DPYSL3: variants seen among roughly 807,000 people sequenced by gnomAD.
DPYSL3 encodes the protein dihydropyrimidinase like 3.
DPYSL3 carries 16 observed loss-of-function variants against 66.1 expected under a neutral mutation model. That is an observed-to-expected ratio of 0.24 (90% CI 0.16 to 0.37). The LOEUF is 0.37. Ranked by LOEUF, DPYSL3 falls within the 10% of genes least tolerant of loss-of-function variation. DPYSL3 has a pLI of 1.00. For synonymous variants in DPYSL3, 338 were observed against 345.1 expected (o/e 0.98, Z 0.23); for missense variants, 738 against 916.2 (o/e 0.81, Z 2.51).
At position 147,400,829 on chromosome 5, in the gene DPYSL3, C is replaced by A. The variant is rs1397615121; in HGVS notation, c.1315G>T (p.Asp439Tyr). ...TGGGCACTCCCAGATAGCTGCAGAT[C>A]CCCGCTGGCAAAGGAGAAAAGCTCC... ...DYINSLLASG[D>Y]LQLSGSAHCT... Residue 439 changes from aspartate (D) to tyrosine (Y), a missense_variant, in exon 10 of 14, where the codon GAT becomes TAT. By Grantham distance (160) the Asp-to-Tyr change is radical. Transcript: ENST00000343218. The A allele has an allele frequency of 6.2e-7, 1 of 1,613,366 alleles. No homozygotes were observed. The highest frequency in any genetic ancestry group is 1.7e-5 in the Admixed American group (1 of 59,978).
chr5:147,500,845 A>G (rs1377664670), intron 1 of DPYSL3, among the ~76,000 whole-genome samples: 2 of 152,228 alleles, frequency 1.3e-5, no homozygotes, highest in Non-Finnish European at 2.9e-5. Context: ...TGGAGCAACA[A>G]GAATACTCAT....
At chr5:147,489,640 C>T (rs1032453794) in intron 1 of DPYSL3, among the ~76,000 whole-genome samples, 2 of 152,076 alleles carry the variant, frequency 1.3e-5, no homozygotes, top group Non-Finnish European at 2.9e-5. Flanking sequence ...ATGTAAAATT[C>T]CAAGAGATTA....
In DPYSL3 at chr5:147,469,403, T is replaced by C. The variant is rs145532110; in HGVS notation, c.381+40075A>G. On this transcript the variant is annotated intron_variant, in intron 1 of 13. Transcript: ENST00000343218. ...AATTCTAGCTCTGCTGTAGCAACTG[T>C]GGTGCCCCACACAAGTTCTTTTAAA... is the stretch of plus-strand genomic sequence containing the variant. Among the ~76,000 whole-genome samples, 563 of 152,342 alleles carry C rather than the reference T, an allele frequency of 3.7e-3. 4 individuals carry two copies. Among genetic ancestry groups the C allele is most frequent in the African/African-American group, 0.013 (530 of 41,582 alleles).
At chr5:147,494,904 TA>T (rs1753476973) in intron 1 of DPYSL3, among the ~76,000 whole-genome samples, 2 of 149,312 alleles carry the variant, frequency 1.3e-5, no homozygotes, top group Non-Finnish European at 3.0e-5. Flanking sequence ...ATAATAATAA[TA>T]ATAATAGAAT....
chr5:147,501,876 G>A (rs1313719143), intron 1 of DPYSL3, among the ~76,000 whole-genome samples: 1 of 152,118 alleles, frequency 6.6e-6, no homozygotes, highest in African/African-American at 2.4e-5. Flanking sequence ...GGAGACAGGG[G>A]TATATGGGAA....
At chr5:147,465,392 C>T (rs1216420732) in intron 1 of DPYSL3, among the ~76,000 whole-genome samples, 2 of 151,992 alleles carry the variant, frequency 1.3e-5, no homozygotes, top group Non-Finnish European at 2.9e-5. Flanking sequence ...TTCCACCTCC[C>T]GGATTCAAGC....
chr5:147,489,238 T>G (rs1350054773), intron 1 of DPYSL3, among the ~76,000 whole-genome samples: 2 of 152,092 alleles, frequency 1.3e-5, no homozygotes, highest in African/African-American at 4.8e-5. Context: ...AGCCCCATGT[T>G]CTCAGTCTTC....
chr5:147,436,737 G>T (rs111402958), intron 1 of DPYSL3, among the ~76,000 whole-genome samples: 4,609 of 152,336 alleles, frequency 0.03, 91 homozygotes, highest in Non-Finnish European at 0.048. Context: ...ATGGCATACT[G>T]CAGAAGAAAG....
At chr5:147,396,953 C>G (rs891117641) in intron 12 of DPYSL3, among the ~76,000 whole-genome samples, 1 of 112,074 alleles carries the variant, frequency 8.9e-6, no homozygotes, top group South Asian at 2.9e-4. Flanking sequence ...TTTATTTATA[C>G]GCATTTTTGT....
At chr5:147,488,156 T>G (rs534418200) in intron 1 of DPYSL3, among the ~76,000 whole-genome samples, 3 of 152,326 alleles carry the variant, frequency 2.0e-5, no homozygotes, top group African/African-American at 7.2e-5. Flanking sequence ...CCTAGCCCAC[T>G]TCCAACCCAA....
At chr5:147,448,348 G>A (rs1752667525) in intron 1 of DPYSL3, among the ~76,000 whole-genome samples, 1 of 152,154 alleles carries the variant, frequency 6.6e-6, no homozygotes, top group Non-Finnish European at 1.5e-5. Context: ...GCCTGTGTCG[G>A]ACTGTCAGAG....
Position 147,394,066 on chromosome 5 carries a change from C to G in DPYSL3, c.2024G>C (p.Gly675Ala). 1 of 1,614,166 alleles carries G rather than the reference C, an allele frequency of 6.2e-7. No homozygotes were observed. The highest frequency in any genetic ancestry group is 8.5e-7 in the Non-Finnish European group (1 of 1,180,036). The stretch of plus-strand genomic sequence containing the variant: ...CAGAGATGTGATATTAGAACGGCCG[C>G]CTGGGGGCGCCACGATGCGCTTGCT... Reference protein sequence around the residue: ...SASKRIVAPPGGRSNITSLS With the variant: ...SASKRIVAPPAGRSNITSLS The change falls in exon 14 of 14, where the codon GGC becomes GCC. Residue 675 changes from glycine (G) to alanine (A), a missense_variant. Gly to Ala is a moderately conservative substitution (Grantham distance 60). Coordinates refer to ENST00000343218, the MANE Select transcript of DPYSL3 (RefSeq NM_001197294.2).
intron 1 of DPYSL3, among the ~76,000 whole-genome samples, chr5:147,466,866 A>G (rs1753017478): frequency 6.6e-6 from 1 of 152,218 alleles, no homozygotes; most frequent in African/African-American, 2.4e-5. Flanking sequence ...GGGGGAAAGT[A>G]GGGATGGCAG....
chr5:147,478,574 C>T (rs927798251), intron 1 of DPYSL3, among the ~76,000 whole-genome samples: 2 of 152,186 alleles, frequency 1.3e-5, no homozygotes, highest in Admixed American at 6.5e-5. Context: ...TTTTGCTCAA[C>T]TTATGCCACT....
At chr5:147,449,017 G>C (rs1752678342) in intron 1 of DPYSL3, among the ~76,000 whole-genome samples, 1 of 152,190 alleles carries the variant, frequency 6.6e-6, no homozygotes, top group African/African-American at 2.4e-5. Flanking sequence ...CACAGAGAGA[G>C]CTGGTTTTCT....
Position 147,485,593 on chromosome 5 carries a change from T to C in DPYSL3, c.381+23885A>G, listed in dbSNP as rs1054484896. Among the ~76,000 whole-genome samples the C allele has an allele frequency of 3.9e-5, 6 of 152,344 alleles. 1 individual carries two copies. The highest frequency in any genetic ancestry group is 1.4e-4 in the African/African-American group (6 of 41,584). ...CTCCAGTCTCTCCCTTTGTTTCCTA[T>C]GTATTATGCAGCAGAGAAATTTAAT... On this transcript the variant is annotated intron_variant, in intron 1 of 13. Coordinates refer to ENST00000343218, the MANE Select transcript of DPYSL3 (RefSeq NM_001197294.2).
intron 6 of DPYSL3, among the ~76,000 whole-genome samples, chr5:147,410,449 T>G (rs1243767422): frequency 6.6e-6 from 1 of 152,136 alleles, no homozygotes; most frequent in Non-Finnish European, 1.5e-5. Context: ...AGAACAGCAG[T>G]AAAGCCCCAC....
At chr5:147,504,580 C>T (rs1753659017) in intron 1 of DPYSL3, among the ~76,000 whole-genome samples, 1 of 152,206 alleles carries the variant, frequency 6.6e-6, no homozygotes, top group South Asian at 2.1e-4. Context: ...CCAGCTGTCT[C>T]ACATTGTGCA....
intron 1 of DPYSL3, among the ~76,000 whole-genome samples, chr5:147,496,394 C>T (rs1323480012): frequency 2.0e-5 from 3 of 152,110 alleles, no homozygotes; most frequent in Non-Finnish European, 4.4e-5. Context: ...ACAAAATAGA[C>T]AAATGGGATC....
Sources: allele counts gnomAD v4.1 joint callset (sites outside exome capture counted in the v4.1 genomes callset), GRCh38; gene constraint gnomAD v4.1.1; transcripts MANE v1.5; gene names NCBI Gene and HGNC (gene_info 2026-07-23, HGNC 2026-07-21).